The following ITIH4 variants were observed in gnomAD, a reference collection of about 807,000 sequenced individuals.
ITIH4 encodes the protein inter-alpha-trypsin inhibitor heavy chain 4.
In ITIH4, 79 loss-of-function variants were observed where a neutral mutation model predicts 111.8. The ratio of observed to expected loss-of-function variants is 0.71; its 90% CI spans 0.59 to 0.85. ITIH4 has a LOEUF of 0.85. ITIH4 is among the 40% of genes least tolerant of loss of function. The pLI is 0.00. For missense variants in ITIH4, 1,065 were observed against 1,195.8 expected, an observed-to-expected ratio of 0.89 and a Z score of 1.61; for synonymous variants, 472 against 468.3, an observed-to-expected ratio of 1.01 and a Z score of -0.10.
Position 52,825,896 on chromosome 3 carries a change from C to T in ITIH4, c.749G>A (p.Gly250Asp). Residue 250 changes from glycine to aspartate, a missense_variant, in exon 6 of 24, where the codon GGC becomes GAC. Coordinates refer to ENST00000266041, the MANE Select transcript of ITIH4 (RefSeq NM_002218.5). ...RYDVDRAISG[G>D]SIQIENGYFV... ...CTGAAGTCCACCCACCTGAATGGAG[C>T]CCCCGGAGATGGCCCGGTCCACATC... The T allele has an allele frequency of 6.2e-7, 1 of 1,613,064 alleles. No homozygotes were observed.
Position 52,813,373 on chromosome 3 carries a change from C to T in ITIH4, c.*48G>A. On this transcript the variant is annotated 3_prime_UTR_variant, in exon 24 of 24. Coordinates refer to ENST00000266041, the MANE Select transcript of ITIH4 (RefSeq NM_002218.5). ...GGCCCCAGAAGCGGCCCTGCAGTTG[C>T]AGGGGGAAGCCAAGTGTACAGGGTG... The T allele has an allele frequency of 6.4e-7, 1 of 1,554,494 alleles. No homozygotes were observed. Among genetic ancestry groups the T allele is most frequent in the Non-Finnish European group, 8.9e-7 (1 of 1,125,846 alleles).
At chr3:52,817,956 T>G in intron 20 of ITIH4, 96 bp downstream of exon 20, 1 of 927,206 alleles carries the variant, frequency 1.1e-6, no homozygotes, top group Non-Finnish European at 1.8e-6. Context: ...GAGGGGCCTG[T>G]GTGGGGCCAG....
Position 52,829,232 on chromosome 3 carries a change from G to C in ITIH4, c.138C>G (p.Ser46=), listed in dbSNP as rs759926360. The stretch of plus-strand genomic sequence containing the variant: ...TGGTGACGACCGTGTGGGCAAATCG[G>C]GATGAGACCCTGGAGTCCACGGTGA... The part of the protein sequence containing the change: ...YSLTVDSRVS[S]RFAHTVVTSR... The change falls in exon 2 of 24, where the codon TCC becomes TCG. Residue 46 remains serine, a synonymous_variant. Transcript: ENST00000266041. 6.2e-7 allele frequency: 1 copy of C among 1,613,530 alleles called. No homozygotes were observed. Among genetic ancestry groups the C allele is most frequent in the East Asian group, 2.2e-5 (1 of 44,856 alleles).
intron 23 of ITIH4, 84 bp from the exon 24 acceptor site, chr3:52,813,574 A>C (rs1700226787): frequency 5.7e-6 from 7 of 1,236,158 alleles, no homozygotes; most frequent in Admixed American, 3.4e-5. Flanking sequence ...TGGGGACAGG[A>C]ACATGGAGGG....
chr3:52,824,349 C>T lies in ITIH4; in HGVS notation c.1046-34G>A. 2 of 1,611,864 alleles carry T rather than the reference C, an allele frequency of 1.2e-6. No homozygotes were observed. The highest frequency in any genetic ancestry group is 1.1e-5 in the South Asian group (1 of 91,026). On this transcript the variant is annotated intron_variant, in intron 8 of 23. Transcript: ENST00000266041. This position sits in a 1 kb window ranked among gnomAD's most constrained non-coding sequence, Gnocchi z 4.3. Reference sequence around the variant, plus strand: ...CACGCACTCTCAAGGTGGTCCCCAGCCAGGAGCCCTGGAAGCCCCCACCCT... The same window carrying T: ...CACGCACTCTCAAGGTGGTCCCCAGTCAGGAGCCCTGGAAGCCCCCACCCT...
intron 2 of ITIH4, among the ~76,000 whole-genome samples, chr3:52,827,708 T>A (rs1422320600): frequency 6.6e-6 from 1 of 152,106 alleles, no homozygotes; most frequent in Non-Finnish European, 1.5e-5. Context: ...TACAGCAGTC[T>A]CCCCGCTCCC....
intron 6 of ITIH4, chr3:52,825,220 A>T (rs1284679219): frequency 3.6e-6 from 1 of 277,234 alleles, no homozygotes; most frequent in East Asian, 6.3e-5. Context: ...CAGATGGTTT[A>T]TACTAAAAAG....
At position 52,826,880 on chromosome 3, in the gene ITIH4, G is replaced by A. The variant is rs537039362; in HGVS notation, c.430C>T (p.Leu144=). Residue 144 remains leucine (L), a synonymous_variant, in exon 4 of 24, where the codon CTG becomes TTG. Coordinates refer to ENST00000266041, the MANE Select transcript of ITIH4 (RefSeq NM_002218.5). ...VAPNAKITFE[L]VYEELLKRRL... ...CGCTTGAGCAGCTCCTCATAGACCA[G>A]CTCAAAGGTGATCTTGGCATTGGGA... 1 of 1,614,104 alleles carries A rather than the reference G, an allele frequency of 6.2e-7. No homozygotes were observed. The highest frequency in any genetic ancestry group is 1.1e-5 in the South Asian group (1 of 91,080).
At position 52,816,964 on chromosome 3, in the gene ITIH4, G is replaced by A. The variant is rs755202066; in HGVS notation, c.2391C>T (p.Ser797=). Residue 797 remains serine, a synonymous_variant, in exon 21 of 24, where the codon TCC becomes TCT. Transcript: ENST00000266041. ...FKNPLVWVHA[S]PEHVVVTRNR... ...TCCGAGTCACCACCACGTGTTCAGGGGATGCGTGAACCCATACCAGGGGGT... is the reference window on the plus strand; with the variant it reads ...TCCGAGTCACCACCACGTGTTCAGGAGATGCGTGAACCCATACCAGGGGGT... 1 of 1,613,980 alleles carries A rather than the reference G, an allele frequency of 6.2e-7. No homozygotes were observed. Among genetic ancestry groups the A allele is most frequent in the Admixed American group, 1.7e-5 (1 of 60,010 alleles).
At position 52,830,506 on chromosome 3, in the gene ITIH4, C is replaced by A. The variant is rs201499197; in HGVS notation, c.90+47G>T. On this transcript the variant is annotated intron_variant, in intron 1 of 23. Coordinates refer to ENST00000266041, the MANE Select transcript of ITIH4 (RefSeq NM_002218.5). ...CGGAGGCTCTTCCCCACTTCCCAGG[C>A]GTTCTCTCATCCCCCAGCTCACGCC... 4.1e-5 allele frequency: 63 copies of A among 1,553,368 alleles called. No individual in the cohort carries two copies. The Admixed American group carries it at 1.0e-3, about 26-fold the overall frequency.
At chr3:52,823,801 C>A in intron 10 of ITIH4, 22 bp downstream of exon 10, 2 of 1,613,754 alleles carry the variant, frequency 1.2e-6, no homozygotes, top group South Asian at 1.1e-5. Context: ...CTCTGTGCAG[C>A]CCACCTGGGG....
At position 52,814,051 on chromosome 3, in the gene ITIH4, G is replaced by T. The variant is rs1183177236; in HGVS notation, c.2647C>A (p.Leu883Ile). The T allele has an allele frequency of 3.7e-6, 6 of 1,613,900 alleles. No individual in the cohort carries two copies. In the South Asian group the frequency reaches 5.5e-5, roughly 15 times the overall value. Residue 883 changes from leucine (L) to isoleucine (I), a missense_variant, in exon 23 of 24, where the codon CTC becomes ATC. Transcript: ENST00000266041. ...GTLGQFYQEV[L>I]WGSPAASDDG... is the part of the protein sequence containing the mutation. ...TCTGATGCTGCTGGAGATCCCCAGA[G>T]CACCTCCTGGTAAAACTGGCCTGAG...
In ITIH4 at chr3:52,826,776, G is replaced by C. The variant is rs372836698; in HGVS notation, c.519+15C>G. 1.9e-6 allele frequency: 3 copies of C among 1,613,548 alleles called. No individual in the cohort carries two copies. Among genetic ancestry groups the C allele is most frequent in the Non-Finnish European group, 2.5e-6 (3 of 1,179,936 alleles). On this transcript the variant is annotated intron_variant, in intron 4 of 23. Coordinates refer to ENST00000266041, the MANE Select transcript of ITIH4 (RefSeq NM_002218.5). ...TCATGCAGGAGGCCTCCCTGGAAGA[G>C]GTAGCAGCAGGTACCTGCAGGTGCT...
chr3:52,814,130 C>T (rs186449985), intron 22 of ITIH4, 59 bp from the exon 23 acceptor site: 102 of 1,604,418 alleles, frequency 6.4e-5, no homozygotes, highest in East Asian at 9.0e-5. Flanking sequence ...GGGAGACACA[C>T]GCAGGGGAGG....
rs770390914 is a variant in ITIH4 at position 52,827,224 on chromosome 3, G to A, written c.252-27C>T. ...TGGGGGCAGAAGGGTGGGAGTTGTT[G>A]AGAGCCTGGTGGCAGGGGCCCATTC... On this transcript the variant is annotated intron_variant, in intron 2 of 23. Coordinates refer to ENST00000266041, the MANE Select transcript of ITIH4 (RefSeq NM_002218.5). 1.1e-5 allele frequency: 17 copies of A among 1,581,994 alleles called. No individual in the cohort carries two copies. The South Asian group carries it at 1.9e-4, about 17-fold the overall frequency.
In ITIH4 at chr3:52,824,202, C is replaced by A. The variant is rs572405190; in HGVS notation, c.1159G>T (p.Asp387Tyr). 1.2e-6 allele frequency: 2 copies of A among 1,613,248 alleles called. No homozygotes were observed. The highest frequency in any genetic ancestry group is 2.2e-5 in the East Asian group (1 of 44,874). The change falls in exon 9 of 24, where the codon GAC becomes TAC. Residue 387 changes from aspartate (D) to tyrosine (Y), a missense_variant. Asp to Tyr is a radical substitution (Grantham distance 160, BLOSUM62 -3). Transcript: ENST00000266041. The surrounding 1 kb of genome is among the most constrained non-coding windows in gnomAD (Gnocchi z 4.3). ...VSLIILLTDG[D>Y]PTVGETNPRS... is the part of the protein sequence containing the mutation. ...GCAGGGCCCTCACCCACAGTGGGGT[C>A]GCCATCGGTGAGCAGGATGATGAGT...
chr3:52,826,632 T>C lies in ITIH4; in HGVS notation c.539A>G (p.Glu180Gly). The change falls in exon 5 of 24, where the codon GAG (glutamate) becomes GGG (glycine). Residue 180 changes from glutamate to glycine, a missense_variant. Coordinates refer to ENST00000266041, the MANE Select transcript of ITIH4 (RefSeq NM_002218.5). The stretch of plus-strand genomic sequence containing the variant: ...CTCCAGAAAGCTGATGCCCTGGGGC[T>C]CGAAGATGTGAATGTCCATCTGGAG... ...KHLQMDIHIFEPQGISFLETE... is the reference protein window; with the variant it reads ...KHLQMDIHIFGPQGISFLETE... 6.2e-7 allele frequency: 1 copy of C among 1,613,990 alleles called. No individual in the cohort carries two copies. The highest frequency in any genetic ancestry group is 8.5e-7 in the Non-Finnish European group (1 of 1,179,968).
chr3:52,813,316 T>C lies in ITIH4; in HGVS notation c.*105A>G, dbSNP rs904962278. On this transcript the variant is annotated 3_prime_UTR_variant, in exon 24 of 24. Transcript: ENST00000266041. ...TCACACCACCTTTCTTTATTTGTAA[T>C]GAGTGGGACTCTTCCTCCCCATGGT... 1.7e-5 allele frequency: 17 copies of C among 987,582 alleles called. No homozygotes were observed. In the African/African-American group the frequency reaches 2.6e-4, roughly 15 times the overall value. 61.2% of individuals were successfully genotyped at this position (987,582 alleles called of 1,614,324 possible).
intron 2 of ITIH4, among the ~76,000 whole-genome samples, chr3:52,827,958 A>T (rs1700511654): frequency 6.6e-6 from 1 of 152,058 alleles, no homozygotes; most frequent in African/African-American, 2.4e-5. Flanking sequence ...AGTGGGCAGG[A>T]GGGGGAGCAG....
Sources: gnomAD v4.1 joint callset for allele counts (sites outside exome capture counted in the v4.1 genomes callset) on GRCh38, gnomAD v4.1.1 for gene constraint, Gnocchi (gnomAD v3.1) non-coding constraint, MANE v1.5 for transcripts, NCBI Gene and HGNC (gene_info 2026-07-23, HGNC 2026-07-21) for gene names.